Variants in METTL9 observed in about 807,000 individuals in gnomAD.
The protein encoded by METTL9 is protein-L-histidine N-pros-methyltransferase.
Under a neutral mutation model 36.0 loss-of-function variants are expected in METTL9, and 10 were observed. That is an observed-to-expected ratio of 0.28 (90% CI 0.17 to 0.47). The LOEUF is 0.47. Among genes scored for constraint, METTL9 ranks in the 20% least tolerant of loss-of-function variants. The pLI is 0.99. For missense variants in METTL9, 246 were observed against 383.5 expected (o/e 0.64, Z 3.00); for synonymous variants, 175 against 149.7 (o/e 1.17, Z -1.23).
chr16:21,629,330 T>A (rs750842595), intron 4 of METTL9, among the ~76,000 whole-genome samples: 10 of 152,138 alleles, frequency 6.6e-5, no homozygotes, highest in Non-Finnish European at 1.3e-4. Flanking sequence ...CTGAATGGGA[T>A]GAATGCCCTT....
intron 4 of METTL9, 109 bp from the exon 5 acceptor site, chr16:21,655,118 C>G (rs1966672593): frequency 1.1e-6 from 1 of 947,286 alleles, no homozygotes; most frequent in Non-Finnish European, 1.6e-6. Flanking sequence ...TCATGAAGCC[C>G]TCAGGCTTGG....
chr16:21,644,461 A>G, intron 4 of METTL9: 4 of 1,148,780 alleles, frequency 3.5e-6, no homozygotes, highest in Non-Finnish European at 5.2e-6. Flanking sequence ...ATACATGTGT[A>G]AAGTATCCTT....
intron 4 of METTL9, chr16:21,643,709 C>T: frequency 1.5e-6 from 1 of 667,082 alleles, no homozygotes; most frequent in South Asian, 2.0e-5. Context: ...AAGTGATATA[C>T]AATGAGACTT....
At position 21,656,044 on chromosome 16, in the gene METTL9, A is replaced by C. The variant is rs956665350; in HGVS notation, c.*612A>C. ...TTATGAGAATGACGCAGACAATTTG[A>C]ATAGGGGGGAAGGAAGGCTTCAGAC... On this transcript the variant is annotated 3_prime_UTR_variant, in exon 5 of 5. Transcript: ENST00000358154. The C allele has an allele frequency of 6.6e-6, 1 of 151,500 alleles. No homozygotes were observed. Among genetic ancestry groups the C allele is most frequent in the Non-Finnish European group, 1.5e-5 (1 of 67,914 alleles). 9.4% of individuals were successfully genotyped at this position (151,500 alleles called of 1,614,324 possible). A position where few individuals can be genotyped will look rare whatever the true frequency, so the allele number is the denominator to read the frequency against.
intron 1 of METTL9, among the ~76,000 whole-genome samples, 160 bp from the exon 2 acceptor site, chr16:21,612,485 A>G (rs1043520963): frequency 6.6e-6 from 1 of 152,196 alleles, no homozygotes; most frequent in Non-Finnish European, 1.5e-5. Flanking sequence ...TTTATAGGTT[A>G]TATGAGTATA....
chr16:21,639,130 CT>C (rs768148961), intron 4 of METTL9, among the ~76,000 whole-genome samples: 2 of 152,094 alleles, frequency 1.3e-5, no homozygotes, highest in Non-Finnish European at 2.9e-5. Context: ...AAAATATATA[CT>C]TTTGGTGAGA....
At chr16:21,630,948 G>C (rs1215845316) in intron 4 of METTL9, among the ~76,000 whole-genome samples, 1 of 152,124 alleles carries the variant, frequency 6.6e-6, no homozygotes, top group Non-Finnish European at 1.5e-5. Flanking sequence ...TACTATCCCT[G>C]CCTGGTTAGT....
upstream of METTL9, among the ~76,000 whole-genome samples, chr16:21,598,274 G>T (rs978367835): frequency 2.6e-5 from 4 of 151,638 alleles, no homozygotes; most frequent in South Asian, 2.1e-4. Context: ...GCTTGAACCC[G>T]GGAGGCGGAG....
At chr16:21,641,461 A>T in intron 4 of METTL9, 1 of 772,806 alleles carries the variant, frequency 1.3e-6, no homozygotes, top group Non-Finnish European at 2.1e-6. Context: ...AGACCTGATG[A>T]TATATGTTCA....
At position 21,643,609 on chromosome 16, in the gene METTL9, G is replaced by T. The variant is rs778074651; in HGVS notation, c.752-11618G>T. ...AGGGTTGGATTTTGACTGCCAAGAA[G>T]AGAAGGAAAGTCTATGAAACATTTT... On this transcript the variant is annotated intron_variant, in intron 4 of 4. Coordinates refer to ENST00000358154, the MANE Select transcript of METTL9 (RefSeq NM_016025.5). 5 of 1,589,160 alleles carry T rather than the reference G, an allele frequency of 3.1e-6. No individual in the cohort carries two copies. The African/African-American group carries it at 6.7e-5, about 21-fold the overall frequency.
At chr16:21,637,642 A>G (rs1338147132) in intron 4 of METTL9, among the ~76,000 whole-genome samples, 1 of 152,248 alleles carries the variant, frequency 6.6e-6, no homozygotes, top group African/African-American at 2.4e-5. Context: ...AGCAGGCACC[A>G]GCCAGTGGCA....
intron 4 of METTL9, among the ~76,000 whole-genome samples, chr16:21,630,903 GAAGCCTTTTCCTGT>G (rs1010529500): frequency 1.1e-4 from 17 of 152,292 alleles, no homozygotes; most frequent in African/African-American, 3.6e-4. Flanking sequence ...TCTGATTTCA[GAAGCCTTTTCCTGT>G]AAACGCTGGG....
intron 4 of METTL9, chr16:21,654,837 T>A (rs1966667694): frequency 5.5e-6 from 1 of 181,748 alleles, no homozygotes; most frequent in Non-Finnish European, 1.2e-5. Context: ...TATTACATGT[T>A]GCTCTCTGTT....
Position 21,630,445 on chromosome 16 carries a change from C to T in METTL9, c.751+5330C>T, listed in dbSNP as rs536799456. Among the ~76,000 whole-genome samples, 11 of 152,338 alleles carry T rather than the reference C, an allele frequency of 7.2e-5. No homozygotes were observed. In the East Asian group the frequency reaches 1.2e-3, roughly 16 times the overall value. On this transcript the variant is annotated intron_variant, in intron 4 of 4. Transcript: ENST00000358154. ...AGGGCTCCTCGAGCACAGCCAGAGC[C>T]GACGCCGTGGCCGAGGGGGCGCCGA...
intron 2 of METTL9, among the ~76,000 whole-genome samples, chr16:21,614,159 G>A (rs1244791299): frequency 6.6e-6 from 1 of 152,056 alleles, no homozygotes; most frequent in African/African-American, 2.4e-5. Flanking sequence ...TTATATGGGT[G>A]GTTGAGTTGA....
intron 4 of METTL9, among the ~76,000 whole-genome samples, chr16:21,628,920 C>CA (rs1025737593): frequency 1.4e-5 from 2 of 141,960 alleles, no homozygotes; most frequent in Non-Finnish European, 3.0e-5. Context: ...GATGGAGTCT[C>CA]ACTCTGTCAC....
At chr16:21,641,515 A>T (rs750192058) in intron 4 of METTL9, 3 of 1,516,092 alleles carry the variant, frequency 2.0e-6, no homozygotes, top group East Asian at 4.6e-5. Context: ...CAGTGACTTC[A>T]TTGAAAATTA....
chr16:21,656,949 T>C lies in METTL9; in HGVS notation c.*1517T>C, dbSNP rs528555022. ...GGAATTCAAGTAAGTGAAGTACAAA[T>C]ACTTAGCACCATAGATTGTAAAAAT... On this transcript the variant is annotated 3_prime_UTR_variant, in exon 5 of 5. Coordinates refer to ENST00000358154, the MANE Select transcript of METTL9 (RefSeq NM_016025.5). 1 of 152,224 alleles carries C rather than the reference T, an allele frequency of 6.6e-6. No homozygotes were observed. Among genetic ancestry groups the C allele is most frequent in the African/African-American group, 2.4e-5 (1 of 41,520 alleles). The allele number at this position is 152,224 out of a possible 1,614,324, so 9.4% of individuals were successfully genotyped here. A position where few individuals can be genotyped will look rare whatever the true frequency, so the allele number is the denominator to read the frequency against.
chr16:21,644,538 C>A, intron 4 of METTL9: 1 of 602,852 alleles, frequency 1.7e-6, no homozygotes, highest in Non-Finnish European at 2.9e-6. Flanking sequence ...AACTAGACCT[C>A]AAAAGGTACT....
Sources: allele counts gnomAD v4.1 joint callset (sites outside exome capture counted in the v4.1 genomes callset), GRCh38; gene constraint gnomAD v4.1.1; transcripts MANE v1.5; gene names NCBI Gene and HGNC (gene_info 2026-07-23, HGNC 2026-07-21).